RNF38: variants seen among roughly 807,000 people sequenced by gnomAD.
The protein encoded by RNF38 is ring finger protein 38.
In RNF38, 15 loss-of-function variants were observed where a neutral mutation model predicts 67.2. That is an observed-to-expected ratio of 0.22 (90% CI 0.15 to 0.34). The LOEUF (loss-of-function observed/expected upper bound fraction) is 0.34, where lower values mean the gene tolerates loss of function less well. RNF38 is among the 10% of genes least tolerant of loss of function. The probability of loss-of-function intolerance (pLI) is 1.00; values close to 1 mark genes in which losing one functional copy is unlikely to be tolerated. For missense variants in RNF38, 524 were observed against 639.9 expected (o/e 0.82, Z 1.95); for synonymous variants, 220 against 218.8 (o/e 1.01, Z -0.05).
intron 11 of RNF38, among the ~76,000 whole-genome samples, chr9:36,340,240 A>G (rs1445086020): frequency 2.0e-5 from 3 of 152,148 alleles, no homozygotes; most frequent in Admixed American, 2.0e-4. Flanking sequence ...TGGCCTCCCA[A>G]GGTGCTGGGA....
intron 1 of RNF38, among the ~76,000 whole-genome samples, chr9:36,474,910 G>C (rs1193261995): frequency 6.8e-6 from 1 of 147,844 alleles, no homozygotes; most frequent in Admixed American, 6.8e-5. Flanking sequence ...GGGAGGCCGA[G>C]GCAGGCGGAT....
intron 1 of RNF38, among the ~76,000 whole-genome samples, chr9:36,475,653 C>T (rs557733180): frequency 4.0e-5 from 6 of 151,634 alleles, no homozygotes; most frequent in Non-Finnish European, 7.4e-5. Flanking sequence ...CCACCATGAC[C>T]GGCCTCAAAT....
chr9:36,385,337 C>G (rs774351042), intron 2 of RNF38, among the ~76,000 whole-genome samples: 31 of 151,164 alleles, frequency 2.1e-4, no homozygotes, highest in South Asian at 1.0e-3. Context: ...AAAGAGGTCA[C>G]AGTCACTGTT....
chr9:36,354,227 T>C (rs983037825), intron 6 of RNF38, among the ~76,000 whole-genome samples: 2 of 152,172 alleles, frequency 1.3e-5, no homozygotes, highest in African/African-American at 4.8e-5. Flanking sequence ...AGTCTTGCTC[T>C]TCTTGCCCAG....
chr9:36,470,702 A>G (rs567735831), intron 1 of RNF38, among the ~76,000 whole-genome samples: 1 of 152,146 alleles, frequency 6.6e-6, no homozygotes, highest in Non-Finnish European at 1.5e-5. Context: ...ACCTTAAAAC[A>G]AACCAACCAA....
chr9:36,484,699 C>A (rs1253459092), intron 1 of RNF38, among the ~76,000 whole-genome samples: 3 of 152,108 alleles, frequency 2.0e-5, no homozygotes, highest in African/African-American at 7.2e-5. Context: ...TGGGCATAGC[C>A]ACAAACAATA....
intron 2 of RNF38, among the ~76,000 whole-genome samples, chr9:36,376,362 A>C (rs372957358): frequency 6.6e-6 from 1 of 152,238 alleles, no homozygotes; most frequent in African/African-American, 2.4e-5. Context: ...TTGTTTTTAA[A>C]AACTCATTCT....
chr9:36,344,697 G>A lies in RNF38; in HGVS notation c.1385+135C>T, dbSNP rs898081521. The A allele has an allele frequency of 2.5e-5, 19 of 763,710 alleles. No individual in the cohort carries two copies. In the African/African-American group the frequency reaches 2.6e-4, roughly 11 times the overall value. The allele number at this position is 763,710 out of a possible 1,614,324, so 47.3% of individuals were successfully genotyped here. A position where few individuals can be genotyped will look rare whatever the true frequency, so the allele number is the denominator to read the frequency against. On this transcript the variant is annotated intron_variant, in intron 10 of 11. Transcript: ENST00000259605. The stretch of plus-strand genomic sequence containing the variant: ...ATAAAGATAACTTATCTTTATCAAA[G>A]TTATCTCTGACTCCTAAGCATTTTC...
chr9:36,472,776 T>C (rs953468915), intron 1 of RNF38, among the ~76,000 whole-genome samples: 3 of 152,194 alleles, frequency 2.0e-5, no homozygotes, highest in African/African-American at 7.2e-5. Flanking sequence ...GAGCATGGGA[T>C]CTTTTCTAAG....
intron 1 of RNF38, among the ~76,000 whole-genome samples, chr9:36,444,937 T>TG (rs1839268880): frequency 6.6e-6 from 1 of 150,818 alleles, no homozygotes; most frequent in African/African-American, 2.4e-5. Context: ...TTTTTTTTTT[T>TG]GAGACCTATC....
intron 1 of RNF38, among the ~76,000 whole-genome samples, chr9:36,475,182 C>T (rs1360062845): frequency 6.6e-6 from 1 of 150,896 alleles, no homozygotes; most frequent in African/African-American, 2.4e-5. Flanking sequence ...ACTATTAATG[C>T]AATTGTGATG....
intron 1 of RNF38, among the ~76,000 whole-genome samples, chr9:36,446,425 T>G (rs995386900): frequency 6.6e-6 from 1 of 152,202 alleles, no homozygotes; most frequent in Non-Finnish European, 1.5e-5. Context: ...ACAAGAAAAT[T>G]TGGGACAAGG....
chr9:36,487,172 CG>C (rs1204053770), intron 1 of RNF38: 6 of 551,980 alleles, frequency 1.1e-5, no homozygotes, highest in Non-Finnish European at 1.4e-5. Context: ...GCAGGGGCTC[CG>C]GGGCCGGACA....
At position 36,336,910 on chromosome 9, in the gene RNF38, C is replaced by CA. The variant is rs1206637960; in HGVS notation, c.*2841dup. The CA allele has an allele frequency of 6.6e-6, 1 of 151,976 alleles. No individual in the cohort carries two copies. Among genetic ancestry groups the CA allele is most frequent in the African/African-American group, 2.4e-5 (1 of 41,370 alleles). 9.4% of individuals were successfully genotyped at this position (151,976 alleles called of 1,614,324 possible). A position where few individuals can be genotyped will look rare whatever the true frequency, so the allele number is the denominator to read the frequency against. On this transcript the variant is annotated 3_prime_UTR_variant, in exon 12 of 12. Coordinates refer to ENST00000259605, the MANE Select transcript of RNF38 (RefSeq NM_022781.5). Reference sequence around the variant, plus strand: ...GCTTTCACATTTTCCAGATTTTGCTCAAAAAATTAAGGACAGAAAATCCTA... The same window carrying CA: ...GCTTTCACATTTTCCAGATTTTGCTCAAAAAAATTAAGGACAGAAAATCCTA...
At chr9:36,378,072 T>C (rs1232345313) in intron 2 of RNF38, among the ~76,000 whole-genome samples, 4 of 151,430 alleles carry the variant, frequency 2.6e-5, no homozygotes, top group Admixed American at 2.6e-4. Context: ...TTTTAAAAGG[T>C]AGAACAATCA....
chr9:36,339,630 A>G lies in RNF38; in HGVS notation c.*122T>C. The G allele has an allele frequency of 1.4e-6, 1 of 717,862 alleles. No homozygotes were observed. Among genetic ancestry groups the G allele is most frequent in the Non-Finnish European group, 2.5e-6 (1 of 401,112 alleles). 44.5% of individuals were successfully genotyped at this position (717,862 alleles called of 1,614,324 possible). Reference sequence around the variant, plus strand: ...GTTGATTAAGTCACACAGTGCAAAGAAAGGTCCATTGACCCTTTTGGTAAA... The same window carrying G: ...GTTGATTAAGTCACACAGTGCAAAGGAAGGTCCATTGACCCTTTTGGTAAA... On this transcript the variant is annotated 3_prime_UTR_variant, in exon 12 of 12. Transcript: ENST00000259605.
chr9:36,390,600 T>C lies in RNF38; in HGVS notation c.29A>G (p.Asn10Ser), dbSNP rs915379437. The change falls in exon 2 of 12, where the codon AAT (asparagine) becomes AGT (serine). Residue 10 changes from asparagine to serine, a missense_variant. This residue lies in a region of RNF38 where 461 missense variants were observed against 517.4 expected (regional missense o/e 0.89). Coordinates refer to ENST00000259605, the MANE Select transcript of RNF38 (RefSeq NM_022781.5). Reference protein sequence around the residue: MACKISPGANSASLPGHPNK... With the variant: MACKISPGASSASLPGHPNK... ...AGGATGGCCAGGTAGAGATGCTGAA[T>C]TGGCCCCGGGAGATATCTGGGAAAA... 6 of 1,614,092 alleles carry C rather than the reference T, an allele frequency of 3.7e-6. No homozygotes were observed. The highest frequency in any genetic ancestry group is 3.4e-6 in the Non-Finnish European group (4 of 1,179,970).
chr9:36,391,883 G>T (rs1448952466), intron 1 of RNF38, among the ~76,000 whole-genome samples: 5 of 152,134 alleles, frequency 3.3e-5, no homozygotes, highest in Non-Finnish European at 7.4e-5. Flanking sequence ...GAAGTGCTGG[G>T]ATTACAGGCG....
intron 9 of RNF38, among the ~76,000 whole-genome samples, chr9:36,348,511 G>T (rs1042413540): frequency 6.6e-6 from 1 of 152,008 alleles, no homozygotes; most frequent in African/African-American, 2.4e-5. Flanking sequence ...AAACAGAAAA[G>T]TCACTCCAGT....
Sources: gnomAD v4.1 joint callset for allele counts (sites outside exome capture counted in the v4.1 genomes callset) on GRCh38, gnomAD v4.1.1 for gene constraint, gnomAD v4.1.1 regional missense constraint, MANE v1.5 for transcripts, NCBI Gene and HGNC (gene_info 2026-07-23, HGNC 2026-07-21) for gene names.